Variants in FAAH2 observed in about 807,000 individuals in gnomAD.
FAAH2 encodes fatty acid amide hydrolase 2.
Under a neutral mutation model 36.9 loss-of-function variants are expected in FAAH2, and 60 were observed. The ratio of observed to expected loss-of-function variants is 1.63; its 90% CI spans 1.32 to 2.02. The LOEUF is 2.02. FAAH2 is among the 30% of genes most tolerant of loss of function. The pLI, the probability that FAAH2 is intolerant of heterozygous loss-of-function variation, is 0.00. For missense variants in FAAH2, 689 were observed against 397.5 expected, an observed-to-expected ratio of 1.73 and a Z score of -6.23; for synonymous variants, 214 against 143.8, an observed-to-expected ratio of 1.49 and a Z score of -3.49.
At chrX:57,127,546 C>G in the FAAH2 span, among the ~76,000 whole-genome samples, 2 of 111,456 alleles carry the variant, frequency 1.8e-5, no homozygotes, top group African/African-American at 6.5e-5. Flanking sequence ...TCCTGATATT[C>G]AATCTTATGA....
chrX:57,238,548 G>T, the FAAH2 span, among the ~76,000 whole-genome samples: 1 of 111,377 alleles, frequency 9.0e-6, no homozygotes, highest in Admixed American at 9.5e-5. Flanking sequence ...ACATGTGGGT[G>T]ATGGAACAAT....
At chrX:57,193,221 G>A in the FAAH2 span, among the ~76,000 whole-genome samples, 3 of 111,506 alleles carry the variant, frequency 2.7e-5, no homozygotes, top group Admixed American at 9.5e-5. Context: ...CTTGGGTGTG[G>A]CCATCTTCTA....
intron 5 of FAAH2, among the ~76,000 whole-genome samples, chrX:57,351,381 A>G (rs922653953): frequency 3.6e-5 from 4 of 111,495 alleles, no homozygotes; most frequent in African/African-American, 1.3e-4. Context: ...TACGTCCAAA[A>G]AAAGTACAAA....
chrX:57,338,779 A>T (rs1434101314), intron 4 of FAAH2, among the ~76,000 whole-genome samples: 3 of 111,957 alleles, frequency 2.7e-5, no homozygotes, highest in Admixed American at 9.5e-5. Flanking sequence ...ATGGAAAAAA[A>T]AAATCCATGC....
intron 10 of FAAH2, among the ~76,000 whole-genome samples, chrX:57,471,629 G>A (rs1367788117): frequency 8.9e-6 from 1 of 112,004 alleles, no homozygotes; most frequent in African/African-American, 3.2e-5. Flanking sequence ...CATGCTTATG[G>A]ATAGGAAGAA....
At chrX:57,464,314 T>G (rs2057011725) in intron 10 of FAAH2, among the ~76,000 whole-genome samples, 1 of 110,711 alleles carries the variant, frequency 9.0e-6, no homozygotes, top group African/African-American at 3.3e-5. Flanking sequence ...TATGCGGGGC[T>G]TAAAACCTAA....
the FAAH2 span, among the ~76,000 whole-genome samples, chrX:57,269,452 C>A: frequency 9.0e-6 from 1 of 111,623 alleles, no homozygotes; most frequent in East Asian, 2.8e-4. Flanking sequence ...GGGACATACT[C>A]TAAAACCAAC....
At chrX:57,167,926 T>G in the FAAH2 span, among the ~76,000 whole-genome samples, 1 of 111,393 alleles carries the variant, frequency 9.0e-6, no homozygotes, top group Admixed American at 9.6e-5. Flanking sequence ...AAGGATGTTC[T>G]GGGCAGACCT....
the FAAH2 span, among the ~76,000 whole-genome samples, chrX:57,281,523 A>G: frequency 8.9e-6 from 1 of 112,413 alleles, no homozygotes; most frequent in African/African-American, 3.2e-5. Flanking sequence ...ATCCTCAGAT[A>G]TAAGTTCATG....
chrX:57,262,731 C>T, the FAAH2 span, among the ~76,000 whole-genome samples: 1 of 111,479 alleles, frequency 9.0e-6, no homozygotes, highest in South Asian at 3.7e-4. Flanking sequence ...TTAGTAAATA[C>T]AATTTAGCAA....
At chrX:57,141,126 G>C in the FAAH2 span, among the ~76,000 whole-genome samples, 1 of 111,375 alleles carries the variant, frequency 9.0e-6, no homozygotes, top group Non-Finnish European at 1.9e-5. Flanking sequence ...TATCCATTTT[G>C]TTGAGAGTTT....
At chrX:57,404,163 C>A (rs2055508303) in intron 7 of FAAH2, among the ~76,000 whole-genome samples, 2 of 112,210 alleles carry the variant, frequency 1.8e-5, no homozygotes, top group African/African-American at 6.5e-5. Context: ...CAGGCTACAT[C>A]CTTGTTTACA....
chrX:57,382,687 G>T (rs1306295504), intron 7 of FAAH2, among the ~76,000 whole-genome samples: 1 of 111,543 alleles, frequency 9.0e-6, no homozygotes, highest in Non-Finnish European at 1.9e-5. Flanking sequence ...ATAATTAATA[G>T]CCTAGCAACC....
At chrX:57,267,562 A>G in the FAAH2 span, among the ~76,000 whole-genome samples, 1 of 112,024 alleles carries the variant, frequency 8.9e-6, no homozygotes, top group Non-Finnish European at 1.9e-5. Flanking sequence ...TGCCTCCACC[A>G]CTATGGTGAA....
intron 10 of FAAH2, among the ~76,000 whole-genome samples, chrX:57,470,284 C>A (rs760123561): frequency 2.2e-4 from 24 of 111,288 alleles, no homozygotes; most frequent in African/African-American, 7.5e-4. Context: ...ACACAAAAAA[C>A]CCTTCAAAAT....
chrX:57,174,608 T>C, the FAAH2 span, among the ~76,000 whole-genome samples: 1 of 111,479 alleles, frequency 9.0e-6, no homozygotes, highest in Non-Finnish European at 1.9e-5. Flanking sequence ...TCATTTCCTT[T>C]CTTTTACTAG....
the FAAH2 span, among the ~76,000 whole-genome samples, chrX:57,155,173 G>T: frequency 1.8e-5 from 2 of 111,902 alleles, no homozygotes; most frequent in Non-Finnish European, 3.8e-5. Context: ...CTGCCACGAG[G>T]TGACACTTTA....
At chrX:57,136,039 G>A in the FAAH2 span, 26 of 1,198,779 alleles carry the variant, frequency 2.2e-5, no homozygotes, top group East Asian at 2.4e-4. Flanking sequence ...GGCATGATGC[G>A]GAGGTCACCT....
the FAAH2 span, among the ~76,000 whole-genome samples, chrX:57,254,504 AATTGACCAC>A: frequency 1.8e-5 from 2 of 111,948 alleles, no homozygotes; most frequent in Admixed American, 1.9e-4. Flanking sequence ...CTTATTCTAA[AATTGACCAC>A]ATAGTTGGAA....
Sources: allele counts gnomAD v4.1 joint callset (sites outside exome capture counted in the v4.1 genomes callset), GRCh38; gene constraint gnomAD v4.1.1; transcripts MANE v1.5; gene names NCBI Gene and HGNC (gene_info 2026-07-23, HGNC 2026-07-21).